The following GLCE variants were observed in gnomAD, a reference collection of about 807,000 sequenced individuals.
GLCE encodes glucuronic acid epimerase.
GLCE carries 19 observed loss-of-function variants against 47.9 expected under a neutral mutation model. The observed-to-expected ratio is 0.40, with a 90% CI of 0.28 to 0.58. The LOEUF (loss-of-function observed/expected upper bound fraction) is 0.58, where lower values mean the gene tolerates loss of function less well. Among genes scored for constraint, GLCE ranks in the 20% least tolerant of loss-of-function variants. GLCE has a pLI of 0.48. For synonymous variants in GLCE, 245 were observed against 263.4 expected, an observed-to-expected ratio of 0.93 and a Z score of 0.68; for missense variants, 556 against 743.3, an observed-to-expected ratio of 0.75 and a Z score of 2.93.
chr15:69,177,014 AT>A (rs1435317507), intron 1 of GLCE, among the ~76,000 whole-genome samples: 3 of 149,724 alleles, frequency 2.0e-5, no homozygotes, highest in African/African-American at 7.4e-5. Flanking sequence ...AATCAGGAAC[AT>A]TTCATATTTG....
intron 1 of GLCE, among the ~76,000 whole-genome samples, chr15:69,204,139 C>T (rs527789123): frequency 3.9e-5 from 6 of 151,928 alleles, no homozygotes; most frequent in East Asian, 1.9e-4. Context: ...AGTTGAAGTA[C>T]GATAAAGAAA....
intron 1 of GLCE, among the ~76,000 whole-genome samples, chr15:69,170,712 G>A (rs1044623916): frequency 3.3e-5 from 5 of 152,194 alleles, no homozygotes; most frequent in Non-Finnish European, 7.3e-5. Flanking sequence ...GCTATGATTC[G>A]TATCTGGCTA....
intron 2 of GLCE, among the ~76,000 whole-genome samples, chr15:69,229,386 C>G (rs1307332668): frequency 6.6e-6 from 1 of 152,028 alleles, no homozygotes; most frequent in Non-Finnish European, 1.5e-5. Context: ...GAAGAGGGAA[C>G]CCAAACAGCT....
At chr15:69,224,528 C>G (rs2052419382) in intron 2 of GLCE, among the ~76,000 whole-genome samples, 1 of 152,124 alleles carries the variant, frequency 6.6e-6, no homozygotes, top group Non-Finnish European at 1.5e-5. Context: ...TCTTGCAACA[C>G]CGGGAGGAGG....
chr15:69,195,207 A>G (rs889770510), intron 1 of GLCE, among the ~76,000 whole-genome samples: 1 of 152,206 alleles, frequency 6.6e-6, no homozygotes, highest in South Asian at 2.1e-4. Flanking sequence ...TGTAAAGAAC[A>G]TATACATACA....
intron 1 of GLCE, among the ~76,000 whole-genome samples, chr15:69,167,830 T>TG (rs2051528118): frequency 6.6e-6 from 1 of 151,784 alleles, no homozygotes; most frequent in East Asian, 1.9e-4. Context: ...AAAGTTTTTT[T>TG]TTTTTTTTTT....
intron 1 of GLCE, among the ~76,000 whole-genome samples, chr15:69,168,848 TA>T (rs1276912269): frequency 1.3e-5 from 2 of 152,136 alleles, no homozygotes; most frequent in African/African-American, 4.8e-5. Context: ...TTCTGTTTTT[TA>T]AAAAATTTGA....
At chr15:69,225,287 C>CT (rs1418481286) in intron 2 of GLCE, among the ~76,000 whole-genome samples, 9 of 152,036 alleles carry the variant, frequency 5.9e-5, no homozygotes, top group African/African-American at 2.2e-4. Context: ...ATGCAGTAAG[C>CT]TAGGCATCCT....
At chr15:69,224,116 T>G (rs916269026) in intron 2 of GLCE, among the ~76,000 whole-genome samples, 1 of 152,348 alleles carries the variant, frequency 6.6e-6, no homozygotes, top group Non-Finnish European at 1.5e-5. Flanking sequence ...CCTGTTTCTT[T>G]GTATGCCTTG....
At chr15:69,212,345 C>T (rs2052244911) in intron 2 of GLCE, among the ~76,000 whole-genome samples, 1 of 151,616 alleles carries the variant, frequency 6.6e-6, no homozygotes, top group African/African-American at 2.4e-5. Flanking sequence ...AGTTGTGGTA[C>T]TTAAAAGTAA....
rs138637994 is a variant in GLCE, at chr15:69,255,858, G to T, written c.52G>T (p.Ala18Ser). 9 of 1,613,842 alleles carry T rather than the reference G, an allele frequency of 5.6e-6. No homozygotes were observed. Among genetic ancestry groups the T allele is most frequent in the Non-Finnish European group, 7.6e-6 (9 of 1,179,894 alleles). ...VNYKTLIIICALFTLVTVLLW... is the reference protein window; with the variant it reads ...VNYKTLIIICSLFTLVTVLLW... ...CTATAAGACTTTGATTATTATCTGC[G>T]CACTCTTCACTTTGGTCACAGTACT... The change falls in exon 3 of 5, where the codon GCA becomes TCA. Residue 18 changes from alanine (A) to serine (S), a missense_variant. Physicochemically the swap from Ala to Ser is moderately conservative, Grantham distance 99 (BLOSUM62 1). Around this residue, in one of 3 missense-constraint regions of GLCE, gnomAD observed 237 missense variants for 310.9 expected, o/e 0.76. Coordinates refer to ENST00000261858, the MANE Select transcript of GLCE (RefSeq NM_015554.3).
At chr15:69,173,589 G>A (rs2051618533) in intron 1 of GLCE, among the ~76,000 whole-genome samples, 1 of 151,588 alleles carries the variant, frequency 6.6e-6, no homozygotes, top group Non-Finnish European at 1.5e-5. Flanking sequence ...CCAGGCTGGT[G>A]ACAATTTGAA....
At chr15:69,255,751 G>T (rs1429765685) in intron 2 of GLCE, 43 bp from the exon 3 acceptor site, 2 of 1,106,176 alleles carry the variant, frequency 1.8e-6, no homozygotes, top group South Asian at 1.5e-5. Flanking sequence ...TGAAATGCCG[G>T]TAGTACATCT....
intron 2 of GLCE, among the ~76,000 whole-genome samples, chr15:69,215,334 C>T (rs2052291054): frequency 6.6e-6 from 1 of 152,070 alleles, no homozygotes; most frequent in South Asian, 2.1e-4. Context: ...AATATGTAGC[C>T]TCTTAGGTCT....
Position 69,256,339 on chromosome 15 carries a change from A to G in GLCE, c.533A>G (p.Glu178Gly). 6.2e-7 allele frequency: 1 copy of G among 1,613,888 alleles called. No individual in the cohort carries two copies. Among genetic ancestry groups the G allele is most frequent in the Non-Finnish European group, 8.5e-7 (1 of 1,179,956 alleles). ...YHPDGVFMSF[E>G]GYNVEVRDRV... ...CCCGATGGTGTGTTTATGTCTTTTGAAGGCTACAATGTGGAAGTCCGAGAC... is the reference window on the plus strand; with the variant it reads ...CCCGATGGTGTGTTTATGTCTTTTGGAGGCTACAATGTGGAAGTCCGAGAC... Residue 178 changes from glutamate to glycine, a missense_variant, in exon 3 of 5, where the codon GAA (glutamate) becomes GGA (glycine). Physicochemically the swap from Glu to Gly is moderately conservative, Grantham distance 98. This residue lies in a region of GLCE where 237 missense variants were observed against 310.9 expected (regional missense o/e 0.76). Transcript: ENST00000261858.
At chr15:69,192,448 T>C (rs944423911) in intron 1 of GLCE, among the ~76,000 whole-genome samples, 3 of 152,124 alleles carry the variant, frequency 2.0e-5, no homozygotes, top group African/African-American at 7.2e-5. Context: ...GGGTTTTCTC[T>C]TATGCTGTTG....
chr15:69,267,647 T>G (rs1381869404), intron 4 of GLCE, among the ~76,000 whole-genome samples: 1 of 152,242 alleles, frequency 6.6e-6, no homozygotes, highest in Non-Finnish European at 1.5e-5. Context: ...TACTTCTTTG[T>G]GTCTCAGTTC....
chr15:69,265,076 C>T (rs1431512211), intron 4 of GLCE, among the ~76,000 whole-genome samples: 1 of 151,976 alleles, frequency 6.6e-6, no homozygotes, highest in Non-Finnish European at 1.5e-5. Context: ...TTTGCTTGTA[C>T]ATTTGATGTC....
intron 2 of GLCE, among the ~76,000 whole-genome samples, chr15:69,218,149 CAAAAAAAAAA>C (rs773040702): frequency 9.2e-5 from 5 of 54,608 alleles, no homozygotes; most frequent in Non-Finnish European, 1.8e-4. Flanking sequence ...GAGACTGTCT[CAAAAAAAAAA>C]AAAAAAAAAA....
Sources: allele counts gnomAD v4.1 joint callset (sites outside exome capture counted in the v4.1 genomes callset), GRCh38; gene constraint gnomAD v4.1.1; regional missense constraint gnomAD v4.1.1; transcripts MANE v1.5; gene names NCBI Gene and HGNC (gene_info 2026-07-23, HGNC 2026-07-21).